The following NBEAL1 variants were observed in gnomAD, a reference collection of about 807,000 sequenced individuals.
NBEAL1 encodes the protein neurobeachin-like protein 1.
In NBEAL1, 273 loss-of-function variants were observed where a neutral mutation model predicts 351.3. The observed-to-expected ratio is 0.78, with a 90% CI of 0.70 to 0.86. The LOEUF is 0.86. NBEAL1 is among the 40% of genes least tolerant of loss of function. The pLI is 0.00. For synonymous variants in NBEAL1, 1,050 were observed against 1,086.4 expected (o/e 0.97, Z 0.66); for missense variants, 2,961 against 3,201.3 (o/e 0.92, Z 1.81).
At chr2:203,111,064 G>T (rs747036253) in intron 15 of NBEAL1, among the ~76,000 whole-genome samples, 1 of 152,058 alleles carries the variant, frequency 6.6e-6, no homozygotes, top group Non-Finnish European at 1.5e-5. Context: ...GATGGGGTGG[G>T]TGCTATAACT....
intron 27 of NBEAL1, among the ~76,000 whole-genome samples, chr2:203,135,154 A>C (rs1313351091): frequency 6.6e-6 from 1 of 151,074 alleles, no homozygotes; most frequent in Non-Finnish European, 1.5e-5. Flanking sequence ...GGTGCGACAG[A>C]GCAAGACCCT....
intron 39 of NBEAL1, 59 bp downstream of exon 39, chr2:203,169,910 G>T (rs1304174559): frequency 6.8e-6 from 7 of 1,030,178 alleles, no homozygotes; most frequent in South Asian, 1.4e-5. Flanking sequence ...AGTAAAACTT[G>T]ACTTCTTCTG....
chr2:203,097,693 C>G (rs2062212663), intron 11 of NBEAL1, 60 bp downstream of exon 11: 1 of 513,052 alleles, frequency 1.9e-6, no homozygotes, highest in African/African-American at 2.1e-5. Flanking sequence ...ATGGGAATAA[C>G]TATTCCTGTG....
chr2:203,074,031 A>G (rs1559347224), intron 7 of NBEAL1, among the ~76,000 whole-genome samples: 1 of 152,228 alleles, frequency 6.6e-6, no homozygotes, highest in Non-Finnish European at 1.5e-5. Flanking sequence ...ACTACATAAC[A>G]TTGTGACTGT....
At chr2:203,020,082 T>G (rs1162485866) in intron 2 of NBEAL1, among the ~76,000 whole-genome samples, 1 of 152,216 alleles carries the variant, frequency 6.6e-6, no homozygotes, top group African/African-American at 2.4e-5. Context: ...AATGTAATGT[T>G]TTGATACATT....
Position 203,167,225 on chromosome 2 carries a change from A to G in NBEAL1, c.5864-2A>G, listed in dbSNP as rs767224898. On this transcript the variant is annotated splice_acceptor_variant, in intron 37 of 55. Coordinates refer to ENST00000683969, the MANE Select transcript of NBEAL1 (RefSeq NM_001378026.1). LOFTEE classifies it high-confidence loss of function. ...CAGTCACAAGATTTCTTCCGTTTTC[A>G]GGAGTAGGCTTTGATTTCAAGTGGC... 2 of 1,605,292 alleles carry G rather than the reference A, an allele frequency of 1.2e-6. No individual in the cohort carries two copies. Among genetic ancestry groups the G allele is most frequent in the African/African-American group, 2.7e-5 (2 of 74,232 alleles).
At position 203,187,233 on chromosome 2, in the gene NBEAL1, T is replaced by A. The variant is rs12620409; in HGVS notation, c.6706-1239T>A. 4.2e-5 allele frequency among the ~76,000 whole-genome samples: 6 copies of A among 144,324 alleles called. No homozygotes were observed. The East Asian group carries it at 7.8e-4, about 19-fold the overall frequency. The allele number at this position is 144,324 out of a possible 152,430, so 94.7% of individuals were successfully genotyped here. On this transcript the variant is annotated intron_variant, in intron 44 of 55. Transcript: ENST00000683969. ...GTGCAATACCACCATTCCCAGCTAA[T>A]TTTTTGTAGAGAGTGGGTTTCGCCA...
chr2:203,146,859 A>G (rs1412431328), intron 33 of NBEAL1, among the ~76,000 whole-genome samples: 1 of 152,202 alleles, frequency 6.6e-6, no homozygotes, highest in African/African-American at 2.4e-5. Context: ...CTCAGGATGC[A>G]GGACTGGTTC....
intron 51 of NBEAL1, among the ~76,000 whole-genome samples, chr2:203,206,374 G>GTCTCTCCCTCTCCCTCTCCC (rs1183339793): frequency 1.3e-4 from 20 of 151,868 alleles, no homozygotes; most frequent in Non-Finnish European, 2.8e-4. Flanking sequence ...AAGAAAGCAT[G>GTCTCTCCCTCTCCCTCTCCC]TCTCTCCCTC....
chr2:203,021,106 T>G (rs546072222), intron 2 of NBEAL1, among the ~76,000 whole-genome samples: 17 of 152,134 alleles, frequency 1.1e-4, no homozygotes, highest in Middle Eastern at 3.4e-3. Flanking sequence ...TTTTGTATTT[T>G]TAGTAGTGAC....
chr2:203,192,248 A>T (rs1158772850), intron 46 of NBEAL1, among the ~76,000 whole-genome samples: 1 of 152,206 alleles, frequency 6.6e-6, no homozygotes, highest in Non-Finnish European at 1.5e-5. Context: ...TTTGAAATAG[A>T]TGCTATCATA....
chr2:203,189,532 C>A (rs2065005488), intron 45 of NBEAL1, among the ~76,000 whole-genome samples: 1 of 151,904 alleles, frequency 6.6e-6, no homozygotes, highest in African/African-American at 2.4e-5. Context: ...GAACTGCAGG[C>A]ATACCACCAC....
rs2065916930 is a variant in NBEAL1 at position 203,218,099 on chromosome 2, C to A, written c.*745C>A. 3.5e-6 allele frequency: 1 copy of A among 288,434 alleles called. No individual in the cohort carries two copies. The highest frequency in any genetic ancestry group is 5.2e-6 in the Non-Finnish European group (1 of 192,984). The allele number at this position is 288,434 out of a possible 1,614,324, so 17.9% of individuals were successfully genotyped here. A position where few individuals can be genotyped will look rare whatever the true frequency, so the allele number is the denominator to read the frequency against. Reference sequence around the variant, plus strand: ...TAAGTAGCATTTGCAGCACAATTTGCATTTGCAAAGTTCCGAATTTCTTGA... The same window carrying A: ...TAAGTAGCATTTGCAGCACAATTTGAATTTGCAAAGTTCCGAATTTCTTGA... On this transcript the variant is annotated 3_prime_UTR_variant, in exon 56 of 56. Transcript: ENST00000683969.
At chr2:203,167,396 A>G (rs769038809) in intron 38 of NBEAL1, 36 bp downstream of exon 38, 1 of 1,555,488 alleles carries the variant, frequency 6.4e-7, no homozygotes, top group Admixed American at 2.0e-5. Context: ...CCAAAATGCT[A>G]GCTTTAAATA....
intron 30 of NBEAL1, 85 bp downstream of exon 30, chr2:203,138,400 C>T (rs986870978): frequency 1.7e-4 from 213 of 1,246,374 alleles, no homozygotes; most frequent in Middle Eastern, 4.2e-4. Context: ...CTTTTTAGAG[C>T]GTTAATGCTT....
chr2:203,214,157 A>G (rs1279668915), intron 55 of NBEAL1, among the ~76,000 whole-genome samples: 2 of 152,236 alleles, frequency 1.3e-5, no homozygotes, highest in Non-Finnish European at 2.9e-5. Flanking sequence ...GAATATTCAG[A>G]TATCATAAAT....
chr2:203,016,538 C>T, intron 2 of NBEAL1, 103 bp downstream of exon 2: 1 of 674,660 alleles, frequency 1.5e-6, no homozygotes, highest in South Asian at 3.6e-5. Context: ...TGTATTTAGT[C>T]ATAATGAATA....
chr2:203,180,264 G>A, intron 42 of NBEAL1, 118 bp from the exon 43 acceptor site: 1 of 789,604 alleles, frequency 1.3e-6, no homozygotes, highest in East Asian at 2.7e-5. Flanking sequence ...TTAAAGAGGA[G>A]ATTCAGAAAA....
intron 6 of NBEAL1, among the ~76,000 whole-genome samples, chr2:203,057,696 A>T (rs2061426409): frequency 6.6e-6 from 1 of 152,242 alleles, no homozygotes; most frequent in Admixed American, 6.5e-5. Flanking sequence ...ATCTGATAAG[A>T]AATGTTAAAG....
Sources: gnomAD v4.1 joint callset for allele counts (sites outside exome capture counted in the v4.1 genomes callset) on GRCh38, gnomAD v4.1.1 for gene constraint, MANE v1.5 for transcripts, NCBI Gene and HGNC (gene_info 2026-07-23, HGNC 2026-07-21) for gene names.